Variants in USH2A observed in about 807,000 individuals in gnomAD.
USH2A encodes usherin, also known as Usher syndrome 2A (autosomal recessive, mild).
A neutral mutation model predicts 538.9 loss-of-function variants in USH2A; 443 were observed. The observed-to-expected ratio is 0.82, with a 90% CI of 0.76 to 0.89. The LOEUF (loss-of-function observed/expected upper bound fraction) is 0.89. USH2A is among the 40% of genes least tolerant of loss of function. The pLI is 0.00. For missense variants in USH2A, 6,633 were observed against 6,324.8 expected (o/e 1.05, Z -1.65); for synonymous variants, 2,413 against 2,273.5 (o/e 1.06, Z -1.75).
At chr1:215,988,022 T>TC in intron 35 of USH2A, among the ~76,000 whole-genome samples, 1 of 152,068 alleles carries the variant, frequency 6.6e-6, no homozygotes, top group Non-Finnish European at 1.5e-5. Context: ...CCTCTCTGTA[T>TC]CTTTTTTTTA....
intron 21 of USH2A, 46 bp downstream of exon 21, chr1:216,175,206 T>C: frequency 6.2e-7 from 1 of 1,611,466 alleles, no homozygotes. Context: ...AGAAAACATT[T>C]TGGAGCTTCG....
chr1:216,065,636 C>T (rs1419148516), intron 30 of USH2A, among the ~76,000 whole-genome samples: 1 of 152,214 alleles, frequency 6.6e-6, no homozygotes, highest in Non-Finnish European at 1.5e-5. Context: ...GTGGCTCATG[C>T]CTGTAATCCC....
chr1:216,206,318 G>T (rs567341321), intron 16 of USH2A, among the ~76,000 whole-genome samples: 1 of 152,006 alleles, frequency 6.6e-6, no homozygotes, highest in Non-Finnish European at 1.5e-5. Flanking sequence ...TGGCCCCAGG[G>T]ACTGGTTTCA....
chr1:216,021,062 C>T (rs188275040), intron 32 of USH2A, among the ~76,000 whole-genome samples: 4 of 152,202 alleles, frequency 2.6e-5, no homozygotes, highest in African/African-American at 4.8e-5. Flanking sequence ...TGGAGTCTTA[C>T]TCTAACTCCA....
At chr1:216,095,656 T>C (rs1321162256) in intron 22 of USH2A, among the ~76,000 whole-genome samples, 1 of 152,182 alleles carries the variant, frequency 6.6e-6, no homozygotes, top group Non-Finnish European at 1.5e-5. Context: ...TGTCAAGTCA[T>C]GAGGAGGGAG....
At chr1:216,323,898 A>G (rs898314367) in intron 7 of USH2A, among the ~76,000 whole-genome samples, 1 of 152,180 alleles carries the variant, frequency 6.6e-6, no homozygotes, top group African/African-American at 2.4e-5. Flanking sequence ...TGAAAACATA[A>G]TGAAAATTCT....
chr1:216,165,998 A>G (rs906066665), intron 21 of USH2A, among the ~76,000 whole-genome samples: 13 of 152,018 alleles, frequency 8.6e-5, no homozygotes, highest in African/African-American at 2.9e-4. Flanking sequence ...AGTCCATTGT[A>G]TCATCGTTAT....
At chr1:216,372,867 G>T (rs771981068) in intron 3 of USH2A, among the ~76,000 whole-genome samples, 2 of 152,048 alleles carry the variant, frequency 1.3e-5, no homozygotes, top group African/African-American at 2.4e-5. Context: ...ATATATCATT[G>T]TGCCTTTTTC....
At chr1:216,080,424 T>C (rs76450071) in intron 26 of USH2A, among the ~76,000 whole-genome samples, 2,275 of 151,968 alleles carry the variant, frequency 0.015, 56 homozygotes, top group African/African-American at 0.052. Flanking sequence ...ATAAAAATCA[T>C]TGGGCTAGGA....
At chr1:215,747,434 A>G (rs934611505) in intron 58 of USH2A, among the ~76,000 whole-genome samples, 1 of 152,338 alleles carries the variant, frequency 6.6e-6, no homozygotes, top group East Asian at 1.9e-4. Flanking sequence ...CTCCACGACA[A>G]AACTGGCAGT....
intron 22 of USH2A, among the ~76,000 whole-genome samples, chr1:216,092,148 C>T (rs1173152781): frequency 6.6e-6 from 1 of 152,114 alleles, no homozygotes. Context: ...TAGTAGTATC[C>T]TACCAACAGT....
At chr1:216,128,967 AT>A (rs771687073) in intron 21 of USH2A, among the ~76,000 whole-genome samples, 1 of 151,786 alleles carries the variant, frequency 6.6e-6, no homozygotes, top group African/African-American at 2.4e-5. Flanking sequence ...CATGAGATCA[AT>A]TTTTTTAGTT....
chr1:216,394,937 C>G (rs1160415435), intron 3 of USH2A, among the ~76,000 whole-genome samples: 1 of 152,018 alleles, frequency 6.6e-6, no homozygotes, highest in African/African-American at 2.4e-5. Context: ...CCAGGATGGT[C>G]TCGCTCTCCT....
At chr1:216,230,409 T>A (rs1261051583) in intron 14 of USH2A, among the ~76,000 whole-genome samples, 1 of 152,130 alleles carries the variant, frequency 6.6e-6, no homozygotes, top group African/African-American at 2.4e-5. Context: ...GTCACAATGG[T>A]CTCAGACCAT....
chr1:216,318,558 G>A (rs1184342533), intron 9 of USH2A, among the ~76,000 whole-genome samples: 1 of 152,044 alleles, frequency 6.6e-6, no homozygotes, highest in Non-Finnish European at 1.5e-5. Context: ...CAACTTAACA[G>A]TCTATTGACT....
intron 4 of USH2A, among the ~76,000 whole-genome samples, chr1:216,355,200 G>A (rs951105010): frequency 3.3e-5 from 5 of 152,020 alleles, no homozygotes; most frequent in Non-Finnish European, 7.4e-5. Flanking sequence ...CTACTCGGGA[G>A]GCTGAGGCAT....
At chr1:215,919,150 T>G (rs2102486916) in intron 38 of USH2A, among the ~76,000 whole-genome samples, 1 of 152,172 alleles carries the variant, frequency 6.6e-6, no homozygotes, top group South Asian at 2.1e-4. Context: ...GATTATTAGA[T>G]ATATTGCACA....
At chr1:215,959,989 T>A (rs1312997209) in intron 37 of USH2A, among the ~76,000 whole-genome samples, 1 of 152,146 alleles carries the variant, frequency 6.6e-6, no homozygotes, top group Non-Finnish European at 1.5e-5. Context: ...AAGCAGGATA[T>A]GTGTACTAAG....
At chr1:215,805,984 C>CAAAAAAAA (rs57712355) in intron 49 of USH2A, among the ~76,000 whole-genome samples, 1 of 93,472 alleles carries the variant, frequency 1.1e-5, no homozygotes, top group African/African-American at 3.4e-5. Context: ...AAGACACAAT[C>CAAAAAAAA]AAAAAAAAAA....
Sources: gnomAD v4.1 joint callset for allele counts (sites outside exome capture counted in the v4.1 genomes callset) on GRCh38, gnomAD v4.1.1 for gene constraint, MANE v1.5 for transcripts, NCBI Gene and HGNC (gene_info 2026-07-23, HGNC 2026-07-21) for gene names.